Variants in PRCC observed in about 807,000 individuals in gnomAD.
The protein encoded by PRCC is proline rich mitotic checkpoint control factor, also known as proline-rich protein PRCC.
A neutral mutation model predicts 44.0 loss-of-function variants in PRCC; 10 were observed. That is an observed-to-expected ratio of 0.23 (90% CI 0.14 to 0.39). The LOEUF is 0.39. Ranked by LOEUF, PRCC falls within the 10% of genes least tolerant of loss-of-function variation. The probability of loss-of-function intolerance (pLI) is 1.00; values close to 1 mark genes in which losing one functional copy is unlikely to be tolerated. For missense variants in PRCC, 573 were observed against 624.7 expected, an observed-to-expected ratio of 0.92 and a Z score of 0.88; for synonymous variants, 278 against 259.5, an observed-to-expected ratio of 1.07 and a Z score of -0.69.
intron 2 of PRCC, among the ~76,000 whole-genome samples, chr1:156,785,012 A>G (rs879796769): frequency 1.3e-5 from 2 of 150,732 alleles, no homozygotes; most frequent in African/African-American, 4.9e-5. Flanking sequence ...AATACAGCAT[A>G]TATATATATA....
rs1652069994 is a variant in PRCC, at chr1:156,782,179, C to G, written c.469-103C>G. On this transcript the variant is annotated intron_variant, in intron 1 of 6. Coordinates refer to ENST00000271526, the MANE Select transcript of PRCC (RefSeq NM_005973.5). Reference sequence around the variant, plus strand: ...CCTCTGTACAGAGGTGGGGCACAGACAAGATGGCCACTGTTGTCCAACCCT... The same window carrying G: ...CCTCTGTACAGAGGTGGGGCACAGAGAAGATGGCCACTGTTGTCCAACCCT... 2.0e-5 allele frequency: 21 copies of G among 1,054,556 alleles called. No individual in the cohort carries two copies. The South Asian group carries it at 3.1e-4, about 15-fold the overall frequency. The allele number at this position is 1,054,556 out of a possible 1,614,324, so 65.3% of individuals were successfully genotyped here.
Position 156,767,571 on chromosome 1 carries a change from C to T in PRCC, c.-201C>T. On this transcript the variant is annotated 5_prime_UTR_variant, in exon 1 of 7. Transcript: ENST00000271526. Reference sequence around the variant, plus strand: ...GTGTGTAGTTGCCCGGGACTAGGAGCTTAAGTGAAGAGGTACGCCTTGTTC... The same window carrying T: ...GTGTGTAGTTGCCCGGGACTAGGAGTTTAAGTGAAGAGGTACGCCTTGTTC... 1.7e-6 allele frequency: 1 copy of T among 601,078 alleles called. No individual in the cohort carries two copies. The highest frequency in any genetic ancestry group is 2.9e-6 in the Non-Finnish European group (1 of 344,236). The allele number at this position is 601,078 out of a possible 1,614,324, so 37.2% of individuals were successfully genotyped here.
chr1:156,779,618 C>G (rs1314292380), intron 1 of PRCC, among the ~76,000 whole-genome samples: 1 of 152,110 alleles, frequency 6.6e-6, no homozygotes, highest in Admixed American at 6.5e-5. Context: ...ACCTGTCTTC[C>G]TTGGCCTCCC....
At position 156,770,068 on chromosome 1, in the gene PRCC, A is replaced by G. The variant is rs566600331; in HGVS notation, c.468+1829A>G. Among the ~76,000 whole-genome samples the G allele has an allele frequency of 7.7e-4, 118 of 152,346 alleles. 1 individual carries two copies. Among genetic ancestry groups the G allele is most frequent in the Non-Finnish European group, 1.0e-3 (69 of 68,036 alleles). The stretch of plus-strand genomic sequence containing the variant: ...AATGAGACAAATAAAAACAGTCTAC[A>G]TGGACATGGAAAGCTCATTTCTAGC... On this transcript the variant is annotated intron_variant, in intron 1 of 6. Coordinates refer to ENST00000271526, the MANE Select transcript of PRCC (RefSeq NM_005973.5).
chr1:156,794,895 A>G lies in PRCC; in HGVS notation c.1323+87A>G, dbSNP rs1219946074. On this transcript the variant is annotated intron_variant, in intron 5 of 6. Coordinates refer to ENST00000271526, the MANE Select transcript of PRCC (RefSeq NM_005973.5). Reference sequence around the variant, plus strand: ...ACTCCCCGTCTTGACCCCACACCCCATTGTTATTGTCACAGCACCTTTAGC... The same window carrying G: ...ACTCCCCGTCTTGACCCCACACCCCGTTGTTATTGTCACAGCACCTTTAGC... 4.6e-6 allele frequency: 7 copies of G among 1,524,930 alleles called. No individual in the cohort carries two copies. In the African/African-American group the frequency reaches 8.3e-5, roughly 18 times the overall value. 94.5% of individuals were successfully genotyped at this position (1,524,930 alleles called of 1,614,324 possible).
At chr1:156,799,297 A>C (rs1439380332) in intron 6 of PRCC, among the ~76,000 whole-genome samples, 1 of 152,170 alleles carries the variant, frequency 6.6e-6, no homozygotes, top group African/African-American at 2.4e-5. Flanking sequence ...TAAGTTACAC[A>C]GTTTGTGTTT....
rs1389396041 is a variant in PRCC at position 156,786,985 on chromosome 1, C to G, written c.894C>G (p.Val298=). The stretch of plus-strand genomic sequence containing the variant: ...CATACCCTTACCCCATCCCCACTGT[C>G]CCTGAAGAGCTGCCTCCAGGCACGG... ...VEPYPYPIPT[V]PEELPPGTEP... The change falls in exon 3 of 7, where the codon GTC becomes GTG. Residue 298 remains valine (V), a synonymous_variant. Transcript: ENST00000271526. 1 of 1,614,226 alleles carries G rather than the reference C, an allele frequency of 6.2e-7. No individual in the cohort carries two copies. The highest frequency in any genetic ancestry group is 8.5e-7 in the Non-Finnish European group (1 of 1,180,028).
At chr1:156,779,443 G>C (rs1291354106) in intron 1 of PRCC, among the ~76,000 whole-genome samples, 1 of 151,956 alleles carries the variant, frequency 6.6e-6, no homozygotes, top group Non-Finnish European at 1.5e-5. Flanking sequence ...GGCGCTCACT[G>C]TAACCTCCGC....
chr1:156,781,599 G>A (rs1652053590), intron 1 of PRCC, among the ~76,000 whole-genome samples: 1 of 152,216 alleles, frequency 6.6e-6, no homozygotes, highest in South Asian at 2.1e-4. Context: ...CAGCATGAGA[G>A]CTTGTCTTAG....
intron 1 of PRCC, among the ~76,000 whole-genome samples, chr1:156,771,230 TGA>T (rs1215632316): frequency 6.6e-6 from 1 of 152,030 alleles, no homozygotes. Flanking sequence ...CTGGAGCATT[TGA>T]GAGGGTGGGG....
chr1:156,771,082 G>A (rs1023086673), intron 1 of PRCC, among the ~76,000 whole-genome samples: 15 of 152,192 alleles, frequency 9.9e-5, no homozygotes, highest in South Asian at 2.1e-4. Context: ...AGCCCTCTGG[G>A]GGGAGATGTC....
intron 1 of PRCC, among the ~76,000 whole-genome samples, chr1:156,769,690 C>T (rs71630635): frequency 6.6e-6 from 1 of 152,166 alleles, no homozygotes; most frequent in African/African-American, 2.4e-5. Flanking sequence ...AGCTCCGCCT[C>T]CCGGGTTCAC....
chr1:156,793,464 C>T (rs746600084), intron 4 of PRCC, among the ~76,000 whole-genome samples: 3 of 150,926 alleles, frequency 2.0e-5, no homozygotes, highest in Non-Finnish European at 4.4e-5. Flanking sequence ...AAGAGGAAGG[C>T]GTAGCAGTGT....
chr1:156,773,764 G>T (rs1013507869), intron 1 of PRCC, among the ~76,000 whole-genome samples: 3 of 152,168 alleles, frequency 2.0e-5, no homozygotes, highest in African/African-American at 7.2e-5. Flanking sequence ...TAGGTGAAAA[G>T]AATCAAAAGT....
In PRCC at chr1:156,772,299, C is replaced by T. The variant is rs1285195712; in HGVS notation, c.468+4060C>T. 3.9e-5 allele frequency among the ~76,000 whole-genome samples: 6 copies of T among 152,176 alleles called. No individual in the cohort carries two copies. The East Asian group carries it at 1.2e-3, about 29-fold the overall frequency. ...TGATGGTAGTCTCAATTCTGGTTTT[C>T]CTGGAGTGAGAATTTGGTTGATTTG... On this transcript the variant is annotated intron_variant, in intron 1 of 6. Coordinates refer to ENST00000271526, the MANE Select transcript of PRCC (RefSeq NM_005973.5).
At position 156,767,826 on chromosome 1, in the gene PRCC, C is replaced by A; in HGVS notation, c.55C>A (p.Pro19Thr). The A allele has an allele frequency of 1.2e-6, 2 of 1,610,308 alleles. No individual in the cohort carries two copies. Among genetic ancestry groups the A allele is most frequent in the Non-Finnish European group, 1.7e-6 (2 of 1,179,116 alleles). The change falls in exon 1 of 7, where the codon CCC (proline) becomes ACC (threonine). Residue 19 changes from proline to threonine, a missense_variant. Physicochemically the swap from Pro to Thr is conservative, Grantham distance 38. This residue lies in a region of PRCC where 245 missense variants were observed against 188.5 expected (regional missense o/e 1.30). Coordinates refer to ENST00000271526, the MANE Select transcript of PRCC (RefSeq NM_005973.5). ...SDESEPDEAE[P>T]EPEEEEAVAP... ...TGAGAGCGAGCCGGATGAGGCTGAG[C>A]CCGAGCCGGAGGAAGAGGAGGCGGT...
chr1:156,800,226 C>T (rs1372285953), intron 6 of PRCC, 148 bp from the exon 7 acceptor site: 3 of 648,312 alleles, frequency 4.6e-6, no homozygotes, highest in Non-Finnish European at 7.9e-6. Flanking sequence ...TTCCCTTTTA[C>T]TTTGATAAGT....
At chr1:156,769,545 A>G (rs918141920) in intron 1 of PRCC, among the ~76,000 whole-genome samples, 1 of 152,200 alleles carries the variant, frequency 6.6e-6, no homozygotes, top group Admixed American at 6.5e-5. Flanking sequence ...AGGAGTTTCC[A>G]GAGTTTCCCT....
chr1:156,787,277 A>C, intron 3 of PRCC, 103 bp downstream of exon 3: 1 of 1,273,894 alleles, frequency 7.8e-7, no homozygotes, highest in Non-Finnish European at 1.1e-6. Context: ...CTTTGGCTAA[A>C]TTAACCTTCT....
Sources: gnomAD v4.1 joint callset for allele counts (sites outside exome capture counted in the v4.1 genomes callset) on GRCh38, gnomAD v4.1.1 for gene constraint, gnomAD v4.1.1 regional missense constraint, MANE v1.5 for transcripts, NCBI Gene and HGNC (gene_info 2026-07-23, HGNC 2026-07-21) for gene names.